SETBP1: variants seen among roughly 807,000 people sequenced by gnomAD.
The protein encoded by SETBP1 is SET-binding protein.
Under a neutral mutation model 101.0 loss-of-function variants are expected in SETBP1, and 9 were observed. The ratio of observed to expected loss-of-function variants is 0.09; its 90% CI spans 0.05 to 0.16. The LOEUF is 0.16. SETBP1 is among the 10% of genes least tolerant of loss of function. The pLI is 1.00. For synonymous variants in SETBP1, 818 were observed against 788.5 expected, an observed-to-expected ratio of 1.04 and a Z score of -0.63; for missense variants, 1,858 against 2,033.8, an observed-to-expected ratio of 0.91 and a Z score of 1.66.
intron 2 of SETBP1, among the ~76,000 whole-genome samples, chr18:44,821,105 G>A (rs2072105489): frequency 1.3e-5 from 2 of 152,180 alleles, no homozygotes; most frequent in African/African-American, 2.4e-5. Flanking sequence ...TCTAGGTTGG[G>A]GGTAGGAAGA....
At chr18:44,821,036 A>G (rs974866407) in intron 2 of SETBP1, among the ~76,000 whole-genome samples, 2 of 152,182 alleles carry the variant, frequency 1.3e-5, no homozygotes, top group Admixed American at 6.5e-5. Context: ...CCAAAGAAAT[A>G]TATTGCTTCC....
At chr18:44,763,177 ATCAT>A (rs1156330569) in intron 2 of SETBP1, among the ~76,000 whole-genome samples, 1 of 152,242 alleles carries the variant, frequency 6.6e-6, no homozygotes, top group African/African-American at 2.4e-5. Context: ...TAAGTAAAAC[ATCAT>A]TCCAGGTGTT....
At chr18:45,036,458 T>G (rs767058613) in intron 4 of SETBP1, among the ~76,000 whole-genome samples, 8 of 152,180 alleles carry the variant, frequency 5.3e-5, no homozygotes, top group Non-Finnish European at 8.8e-5. Context: ...TGATTTTGAA[T>G]GAATTTTAAA....
At chr18:44,807,470 TTTTG>T (rs760977051) in intron 2 of SETBP1, among the ~76,000 whole-genome samples, 2 of 152,148 alleles carry the variant, frequency 1.3e-5, no homozygotes, top group African/African-American at 2.4e-5. Flanking sequence ...GTGCTGGATT[TTTTG>T]TTTGTTTGTT....
intron 4 of SETBP1, among the ~76,000 whole-genome samples, chr18:44,968,350 CAAG>C (rs1295852788): frequency 6.6e-6 from 1 of 151,986 alleles, no homozygotes; most frequent in Non-Finnish European, 1.5e-5. Flanking sequence ...AGTAGATGTA[CAAG>C]AAGAAGAAAA....
intron 2 of SETBP1, among the ~76,000 whole-genome samples, chr18:44,840,584 A>C (rs1418928925): frequency 6.6e-6 from 1 of 152,144 alleles, no homozygotes; most frequent in Non-Finnish European, 1.5e-5. Context: ...GCCAGATTTC[A>C]CCAGCTGGAG....
intron 2 of SETBP1, among the ~76,000 whole-genome samples, chr18:44,820,175 C>T (rs2072080894): frequency 6.6e-6 from 1 of 152,238 alleles, no homozygotes; most frequent in Non-Finnish European, 1.5e-5. Context: ...AGCTGAGCGC[C>T]ACGTGGCGGG....
intron 3 of SETBP1, chr18:44,877,210 T>C (rs764909314): frequency 1.9e-4 from 146 of 782,482 alleles, no homozygotes; most frequent in Non-Finnish European, 2.2e-4. Context: ...TAGAAACTTT[T>C]ATAGCAATTT....
intron 2 of SETBP1, among the ~76,000 whole-genome samples, chr18:44,781,719 A>G (rs1455015033): frequency 6.6e-6 from 1 of 152,212 alleles, no homozygotes; most frequent in Non-Finnish European, 1.5e-5. Flanking sequence ...CATGTGTTAG[A>G]GAGGATGGTA....
At chr18:44,891,195 T>A (rs1027321372) in intron 3 of SETBP1, among the ~76,000 whole-genome samples, 2 of 152,042 alleles carry the variant, frequency 1.3e-5, no homozygotes, top group African/African-American at 4.8e-5. Context: ...AACACCAGCA[T>A]GAGAAAGGCC....
At chr18:45,030,694 T>C (rs2073277243) in intron 4 of SETBP1, among the ~76,000 whole-genome samples, 1 of 149,204 alleles carries the variant, frequency 6.7e-6, no homozygotes. Flanking sequence ...TCAGAGCCTG[T>C]TATTGGTCTA....
intron 2 of SETBP1, among the ~76,000 whole-genome samples, chr18:44,818,837 T>G (rs1482074821): frequency 6.6e-6 from 1 of 151,900 alleles, no homozygotes; most frequent in Admixed American, 6.6e-5. Context: ...TTCCACCATC[T>G]CCCTCTGTGA....
intron 5 of SETBP1, among the ~76,000 whole-genome samples, chr18:45,044,427 C>A (rs1213889317): frequency 6.6e-6 from 1 of 152,204 alleles, no homozygotes; most frequent in Non-Finnish European, 1.5e-5. Context: ...AAGGCACTCC[C>A]TCCCGCAGCT....
At chr18:44,854,141 C>A (rs2072926338) in intron 2 of SETBP1, among the ~76,000 whole-genome samples, 3 of 152,034 alleles carry the variant, frequency 2.0e-5, no homozygotes, top group African/African-American at 7.2e-5. Context: ...ATTATTTGTT[C>A]ATTGGCGTAT....
At chr18:44,773,893 G>A (rs1223785083) in intron 2 of SETBP1, among the ~76,000 whole-genome samples, 1 of 94,652 alleles carries the variant, frequency 1.1e-5, no homozygotes, top group Admixed American at 1.2e-4. Flanking sequence ...CTCTCTGACT[G>A]TATGTCCTCT....
At position 45,062,864 on chromosome 18, in the gene SETBP1, A is replaced by G. The variant is rs1269229235; in HGVS notation, c.4172-215A>G. ...TTGGGAGGACTGAAATCATGTCAATAGAAGTACTTTGCATGCACAGTGAAT... is the reference window on the plus strand; with the variant it reads ...TTGGGAGGACTGAAATCATGTCAATGGAAGTACTTTGCATGCACAGTGAAT... On this transcript the variant is annotated intron_variant, in intron 5 of 5. Transcript: ENST00000649279. Among the ~76,000 whole-genome samples the G allele has an allele frequency of 6.6e-5, 10 of 152,332 alleles. No homozygotes were observed. In the East Asian group the frequency reaches 1.9e-3, roughly 29 times the overall value.
chr18:44,746,327 C>T (rs1203761042), intron 2 of SETBP1, among the ~76,000 whole-genome samples: 4 of 152,118 alleles, frequency 2.6e-5, no homozygotes, highest in Admixed American at 6.5e-5. Context: ...ATAGTCATAG[C>T]GTTGCTAGCT....
At chr18:44,850,894 A>G (rs1385881437) in intron 2 of SETBP1, among the ~76,000 whole-genome samples, 3 of 152,152 alleles carry the variant, frequency 2.0e-5, no homozygotes, top group Non-Finnish European at 4.4e-5. Flanking sequence ...ACACCTGTCT[A>G]TTCTAGCCAA....
intron 4 of SETBP1, among the ~76,000 whole-genome samples, chr18:44,995,356 C>T (rs111879327): frequency 0.016 from 2,383 of 151,882 alleles, 52 homozygotes; most frequent in African/African-American, 0.053. Context: ...TTAGCCAGGA[C>T]GGTCTTGATC....
Sources: gnomAD v4.1 joint callset for allele counts (sites outside exome capture counted in the v4.1 genomes callset) on GRCh38, gnomAD v4.1.1 for gene constraint, MANE v1.5 for transcripts, NCBI Gene and HGNC (gene_info 2026-07-23, HGNC 2026-07-21) for gene names.